The following MTHFD2L variants were observed in gnomAD, a reference collection of about 807,000 sequenced individuals.
MTHFD2L encodes methylenetetrahydrofolate dehydrogenase (NADP+ dependent) 2 like.
MTHFD2L carries 29 observed loss-of-function variants against 34.9 expected under a neutral mutation model. The ratio of observed to expected loss-of-function variants is 0.83; its 90% CI spans 0.62 to 1.13. The LOEUF (loss-of-function observed/expected upper bound fraction) is 1.13, where lower values mean the gene tolerates loss of function less well. Among genes scored for constraint, MTHFD2L ranks in the 50% most tolerant of loss-of-function variants. The probability of loss-of-function intolerance (pLI) is 0.00; values close to 1 mark genes in which losing one functional copy is unlikely to be tolerated. For missense variants in MTHFD2L, 481 were observed against 446.5 expected, an observed-to-expected ratio of 1.08 and a Z score of -0.70; for synonymous variants, 167 against 155.7, an observed-to-expected ratio of 1.07 and a Z score of -0.54.
chr4:74,147,685 T>C (rs1723678708), intron 1 of MTHFD2L, among the ~76,000 whole-genome samples: 1 of 149,024 alleles, frequency 6.7e-6, no homozygotes, highest in South Asian at 2.1e-4. Flanking sequence ...CTTGTTATTT[T>C]GTTTGTTTGT....
At chr4:74,129,788 A>C (rs1465239466) in intron 1 of MTHFD2L, among the ~76,000 whole-genome samples, 1 of 152,036 alleles carries the variant, frequency 6.6e-6, no homozygotes, top group Non-Finnish European at 1.5e-5. Context: ...AAATGAATGA[A>C]TCCTGGAGCT....
chr4:74,211,985 A>G (rs1270891013), intron 5 of MTHFD2L, among the ~76,000 whole-genome samples: 1 of 152,056 alleles, frequency 6.6e-6, no homozygotes, highest in African/African-American at 2.4e-5. Context: ...AGGTGTTTAT[A>G]GTATATTCTT....
chr4:74,132,764 T>C (rs1722639151), intron 1 of MTHFD2L, among the ~76,000 whole-genome samples: 1 of 152,112 alleles, frequency 6.6e-6, no homozygotes. Flanking sequence ...CTCTACACTT[T>C]AACTCCACAC....
At position 74,201,308 on chromosome 4, in the gene MTHFD2L, A is replaced by AGAAC; in HGVS notation, c.652_655dup (p.Val219GlufsTer13). The AGAAC allele has an allele frequency of 1.2e-6, 2 of 1,613,836 alleles. No homozygotes were observed. Among genetic ancestry groups the AGAAC allele is most frequent in the Non-Finnish European group, 1.7e-6 (2 of 1,179,860 alleles). ...AATGTGGTTGTGGCTGGAAGATCCA[A>AGAAC]GAACGTAGGGATGCCTATTGCCATG... On this transcript the variant is annotated frameshift_variant, in exon 5 of 8. Coordinates refer to ENST00000325278, the MANE Select transcript of MTHFD2L (RefSeq NM_001144978.3). LOFTEE classifies it high-confidence loss of function.
chr4:74,170,136 C>G (rs1260287872), intron 1 of MTHFD2L, among the ~76,000 whole-genome samples: 1 of 152,168 alleles, frequency 6.6e-6, no homozygotes, highest in South Asian at 2.1e-4. Context: ...TTCTATGAAG[C>G]TAGCATCATC....
chr4:74,241,849 A>G (rs1319378015), intron 6 of MTHFD2L: 1 of 162,044 alleles, frequency 6.2e-6, no homozygotes, highest in Non-Finnish European at 1.4e-5. Flanking sequence ...CCAGCAAATT[A>G]TGAAGTAAAA....
At chr4:74,121,635 AT>A (rs931266683), upstream of MTHFD2L, among the ~76,000 whole-genome samples, 2 of 145,828 alleles carry the variant, frequency 1.4e-5, no homozygotes, top group African/African-American at 5.0e-5. Context: ...TAATTATTTA[AT>A]TATACATATA....
At position 74,170,286 on chromosome 4, in the gene MTHFD2L, G is replaced by T. The variant is rs576905239; in HGVS notation, c.144-4220G>T. ...AAGGATAGATACATAATAACCAACT[G>T]GGATGTATCCCAGGAATGCAAGTTT... On this transcript the variant is annotated intron_variant, in intron 1 of 7. Transcript: ENST00000325278. Among the ~76,000 whole-genome samples the T allele has an allele frequency of 3.9e-5, 6 of 152,214 alleles. No homozygotes were observed. The East Asian group carries it at 9.6e-4, about 24-fold the overall frequency.
chr4:74,184,128 T>C (rs1357071716), intron 3 of MTHFD2L, among the ~76,000 whole-genome samples: 1 of 152,170 alleles, frequency 6.6e-6, no homozygotes, highest in African/African-American at 2.4e-5. Context: ...ATCACAGATA[T>C]TCAGTTAATC....
chr4:74,206,281 G>T (rs1735298680), intron 5 of MTHFD2L, among the ~76,000 whole-genome samples: 1 of 152,162 alleles, frequency 6.6e-6, no homozygotes, highest in South Asian at 2.1e-4. Flanking sequence ...ATGTCTGTGT[G>T]TCTTGTTCTG....
intron 7 of MTHFD2L, among the ~76,000 whole-genome samples, chr4:74,297,854 T>A (rs1006889005): frequency 1.3e-5 from 2 of 152,136 alleles, no homozygotes; most frequent in Non-Finnish European, 2.9e-5. Flanking sequence ...GAAATAGTTA[T>A]GCAAAATCAT....
intron 5 of MTHFD2L, among the ~76,000 whole-genome samples, chr4:74,206,887 TTC>T (rs1430168246): frequency 6.6e-6 from 1 of 152,172 alleles, no homozygotes; most frequent in Non-Finnish European, 1.5e-5. Flanking sequence ...TTATTTCATA[TTC>T]TTTTATTTTA....
At chr4:74,212,789 T>C (rs1475906442) in intron 5 of MTHFD2L, among the ~76,000 whole-genome samples, 1 of 152,216 alleles carries the variant, frequency 6.6e-6, no homozygotes, top group African/African-American at 2.4e-5. Context: ...ATATTGACAG[T>C]GTGGTGTTAA....
chr4:74,167,791 G>A (rs1304100203), intron 1 of MTHFD2L, among the ~76,000 whole-genome samples: 1 of 152,240 alleles, frequency 6.6e-6, no homozygotes, highest in Non-Finnish European at 1.5e-5. Flanking sequence ...TTCTTTAACA[G>A]TGAGGCTAAA....
intron 1 of MTHFD2L, among the ~76,000 whole-genome samples, chr4:74,134,590 C>A (rs1722775190): frequency 6.6e-6 from 1 of 152,066 alleles, no homozygotes; most frequent in African/African-American, 2.4e-5. Context: ...GAAACAACAG[C>A]AAACATGGAA....
chr4:74,277,893 G>C (rs1182086944), intron 6 of MTHFD2L, among the ~76,000 whole-genome samples: 1 of 151,998 alleles, frequency 6.6e-6, no homozygotes, highest in Non-Finnish European at 1.5e-5. Flanking sequence ...GGGTTTCACT[G>C]TGTGGTCAGT....
chr4:74,227,253 G>A lies in MTHFD2L; in HGVS notation c.805+1859G>A, dbSNP rs574886109. Among the ~76,000 whole-genome samples the A allele has an allele frequency of 5.3e-5, 8 of 152,148 alleles. No homozygotes were observed. In the East Asian group the frequency reaches 1.2e-3, roughly 22 times the overall value. On this transcript the variant is annotated intron_variant, in intron 6 of 7. Transcript: ENST00000325278. The stretch of plus-strand genomic sequence containing the variant: ...AGCTTTTGCTCAGCATCCTTTCCCC[G>A]ACAGCTAAGGCTCTCACTGGGCTGC...
chr4:74,247,879 T>C (rs758820189), intron 6 of MTHFD2L, among the ~76,000 whole-genome samples: 1 of 152,204 alleles, frequency 6.6e-6, no homozygotes, highest in Non-Finnish European at 1.5e-5. Flanking sequence ...GGATTCGGTT[T>C]GCCAGTATTT....
chr4:74,153,040 G>A (rs1724038469), intron 1 of MTHFD2L, among the ~76,000 whole-genome samples: 1 of 152,066 alleles, frequency 6.6e-6, no homozygotes, highest in African/African-American at 2.4e-5. Context: ...CTGGTTTTCT[G>A]GATCCTTGTT....
Sources: gnomAD v4.1 joint callset for allele counts (sites outside exome capture counted in the v4.1 genomes callset) on GRCh38, gnomAD v4.1.1 for gene constraint, MANE v1.5 for transcripts, NCBI Gene and HGNC (gene_info 2026-07-23, HGNC 2026-07-21) for gene names.